The following DACH2 variants were observed in gnomAD, a reference collection of about 807,000 sequenced individuals.
DACH2 encodes the protein dachshund family transcription factor 2, also known as dachshund homolog 2.
A neutral mutation model predicts 35.8 loss-of-function variants in DACH2; 17 were observed. The ratio of observed to expected loss-of-function variants is 0.48; its 90% CI spans 0.33 to 0.71. The LOEUF (loss-of-function observed/expected upper bound fraction) is 0.71. Among genes scored for constraint, DACH2 ranks in the 30% least tolerant of loss-of-function variants. The pLI is 0.02. For synonymous variants in DACH2, 195 were observed against 177.3 expected, an observed-to-expected ratio of 1.10 and a Z score of -0.79; for missense variants, 469 against 472.7, an observed-to-expected ratio of 0.99 and a Z score of 0.07.
At chrX:86,331,687 T>C (rs772382100) in intron 1 of DACH2, among the ~76,000 whole-genome samples, 1 of 111,635 alleles carries the variant, frequency 9.0e-6, no homozygotes, top group South Asian at 3.7e-4. Context: ...CTGTCAGATA[T>C]ATACTTTTAA....
chrX:86,676,539 C>T (rs769099280), intron 4 of DACH2, among the ~76,000 whole-genome samples: 1 of 111,830 alleles, frequency 8.9e-6, no homozygotes, highest in South Asian at 3.7e-4. Flanking sequence ...AATGTTCTTC[C>T]ATGCTGTCCA....
intron 3 of DACH2, among the ~76,000 whole-genome samples, chrX:86,560,577 C>T (rs2039202275): frequency 1.0e-5 from 1 of 100,498 alleles, no homozygotes; most frequent in South Asian, 5.0e-4. Context: ...CAGAACAGAG[C>T]CCTCAGAAAT....
chrX:86,493,227 T>C (rs753364371), intron 2 of DACH2, among the ~76,000 whole-genome samples: 4 of 111,657 alleles, frequency 3.6e-5, no homozygotes, highest in Non-Finnish European at 5.7e-5. Flanking sequence ...AAGTTAAATT[T>C]GACAAATAAG....
intron 1 of DACH2, among the ~76,000 whole-genome samples, chrX:86,193,199 G>C (rs936884751): frequency 4.5e-5 from 5 of 111,710 alleles, no homozygotes; most frequent in East Asian, 2.8e-4. Flanking sequence ...AATTTTAATT[G>C]ATTGTAACTT....
chrX:86,477,339 CATATATATATAT>C (rs56255658), intron 2 of DACH2, among the ~76,000 whole-genome samples: 8 of 75,860 alleles, frequency 1.1e-4, no homozygotes, highest in African/African-American at 2.4e-4. Context: ...GTGTTGAGTG[CATATATATATAT>C]ATATATATAT....
chrX:86,703,423 C>G (rs866597900), intron 5 of DACH2, among the ~76,000 whole-genome samples: 1 of 110,895 alleles, frequency 9.0e-6, no homozygotes, highest in Non-Finnish European at 1.9e-5. Context: ...CTAGCCAGAA[C>G]AATCAGGCAA....
intron 2 of DACH2, among the ~76,000 whole-genome samples, chrX:86,431,525 A>G (rs1373850834): frequency 1.8e-5 from 2 of 111,624 alleles, no homozygotes; most frequent in Non-Finnish European, 3.8e-5. Flanking sequence ...TAGGATGTGA[A>G]TGTGTTGATT....
chrX:86,469,687 G>C (rs1028164433), intron 2 of DACH2, among the ~76,000 whole-genome samples: 1 of 110,720 alleles, frequency 9.0e-6, no homozygotes, highest in African/African-American at 3.3e-5. Context: ...TGGTAGAGGA[G>C]ATATGACAAT....
intron 2 of DACH2, among the ~76,000 whole-genome samples, chrX:86,496,892 C>T (rs2038180005): frequency 9.0e-6 from 1 of 111,351 alleles, no homozygotes; most frequent in Non-Finnish European, 1.9e-5. Context: ...CCACCAATGC[C>T]AAAGCAGGGA....
intron 3 of DACH2, among the ~76,000 whole-genome samples, chrX:86,536,370 A>G (rs189162375): frequency 2.1e-4 from 24 of 111,628 alleles, no homozygotes; most frequent in Non-Finnish European, 1.9e-5. Context: ...ATCTCAAAAT[A>G]TATTTCTTTG....
chrX:86,218,520 C>G (rs73514013), intron 1 of DACH2, among the ~76,000 whole-genome samples: 2 of 111,575 alleles, frequency 1.8e-5, no homozygotes, highest in Non-Finnish European at 3.8e-5. Context: ...TCAGCACTAT[C>G]GCATTTATTG....
intron 2 of DACH2, among the ~76,000 whole-genome samples, chrX:86,431,115 T>A (rs2036978292): frequency 9.0e-6 from 1 of 111,553 alleles, no homozygotes; most frequent in South Asian, 3.7e-4. Context: ...GGTAATCATG[T>A]GTAGTGATTT....
chrX:86,816,020 G>T lies in DACH2; in HGVS notation c.1685-14G>T. On this transcript the variant is annotated splice_polypyrimidine_tract_variant and intron_variant, in intron 10 of 11. Coordinates refer to ENST00000373125, the MANE Select transcript of DACH2 (RefSeq NM_053281.3). ...ACCTAATTGTATATTAATCTTGCAT[G>T]TCATTTATTTCAGATACTGGAATTC... is the stretch of plus-strand genomic sequence containing the variant. The T allele has an allele frequency of 8.6e-7, 1 of 1,158,754 alleles. No homozygotes were observed. Among genetic ancestry groups the T allele is most frequent in the Non-Finnish European group, 1.2e-6 (1 of 862,797 alleles).
At chrX:86,231,766 C>T (rs1171916490) in intron 1 of DACH2, among the ~76,000 whole-genome samples, 1 of 112,251 alleles carries the variant, frequency 8.9e-6, no homozygotes, top group Non-Finnish European at 1.9e-5. Flanking sequence ...GCTTTTCATC[C>T]CGCTCAAATT....
rs771762674 is a variant in DACH2 at position 86,525,246 on chromosome X, G to A, written c.640+10855G>A. On this transcript the variant is annotated intron_variant, in intron 3 of 11. Coordinates refer to ENST00000373125, the MANE Select transcript of DACH2 (RefSeq NM_053281.3). The stretch of plus-strand genomic sequence containing the variant: ...ATTGAGGTTATGAATCTTCAGGCTC[G>A]TATTGGAACCGCTTAAGTTAAATGT... 1.6e-4 allele frequency among the ~76,000 whole-genome samples: 18 copies of A among 111,766 alleles called. No homozygotes were observed. The South Asian group carries it at 3.0e-3, about 18-fold the overall frequency.
intron 1 of DACH2, among the ~76,000 whole-genome samples, chrX:86,254,965 C>A (rs1027017013): frequency 9.3e-6 from 1 of 107,554 alleles, no homozygotes; most frequent in Non-Finnish European, 1.9e-5. Flanking sequence ...ATTAGCCCTG[C>A]TGTTGGGACT....
At chrX:86,396,557 A>T (rs1287620325) in intron 2 of DACH2, among the ~76,000 whole-genome samples, 1 of 104,331 alleles carries the variant, frequency 9.6e-6, no homozygotes, top group Non-Finnish European at 2.0e-5. Context: ...TCTTGAATTA[A>T]TTTTTGTATA....
intron 2 of DACH2, among the ~76,000 whole-genome samples, chrX:86,460,887 C>T (rs1187677683): frequency 3.6e-5 from 4 of 110,750 alleles, no homozygotes; most frequent in Non-Finnish European, 7.6e-5. Context: ...ACCCTTATTG[C>T]CTATTCCCAA....
chrX:86,466,016 C>A (rs2037660661), intron 2 of DACH2, among the ~76,000 whole-genome samples: 1 of 111,402 alleles, frequency 9.0e-6, no homozygotes, highest in African/African-American at 3.3e-5. Flanking sequence ...AAAGGTACTG[C>A]ATTAGTCCAT....
Sources: gnomAD v4.1 joint callset for allele counts (sites outside exome capture counted in the v4.1 genomes callset) on GRCh38, gnomAD v4.1.1 for gene constraint, MANE v1.5 for transcripts, NCBI Gene and HGNC (gene_info 2026-07-23, HGNC 2026-07-21) for gene names.